Variants in ECT2L observed in about 807,000 individuals in gnomAD.
The protein encoded by ECT2L is epithelial cell transforming 2 like, also known as epithelial cell-transforming sequence 2 oncogene-like.
In ECT2L, 126 loss-of-function variants were observed where a neutral mutation model predicts 122.8. The ratio of observed to expected loss-of-function variants is 1.03; its 90% CI spans 0.89 to 1.19. ECT2L has a LOEUF of 1.19. Among genes scored for constraint, ECT2L ranks in the 50% most tolerant of loss-of-function variants. The pLI, the probability that ECT2L is intolerant of heterozygous loss-of-function variation, is 0.00. For missense variants in ECT2L, 1,012 were observed against 1,064.1 expected (o/e 0.95, Z 0.68); for synonymous variants, 385 against 381.8 (o/e 1.01, Z -0.10).
chr6:138,865,280 G>A lies in ECT2L; in HGVS notation c.1474+102G>A. On this transcript the variant is annotated intron_variant, in intron 12 of 21. Coordinates refer to ENST00000541398, the MANE Select transcript of ECT2L (RefSeq NM_001077706.3). ...ATGGCGCAAGTAAAATTTTACTCTT[G>A]AACATCTCCAGTAAAATTTTATCTC... The A allele has an allele frequency of 4.3e-6, 5 of 1,159,526 alleles. 1 individual carries two copies. The South Asian group carries it at 1.0e-4, about 23-fold the overall frequency. 71.8% of individuals were successfully genotyped at this position (1,159,526 alleles called of 1,614,324 possible).
rs189109116 is a variant in ECT2L at position 138,825,043 on chromosome 6, A to G, written c.179+10440A>G. ...CGGCCTGGCCAGCCTGACATAACAAAGAAGTAGCTATGACTGTGAGAAGTG... is the reference window on the plus strand; with the variant it reads ...CGGCCTGGCCAGCCTGACATAACAAGGAAGTAGCTATGACTGTGAGAAGTG... On this transcript the variant is annotated intron_variant, in intron 4 of 21. Transcript: ENST00000541398. Among the ~76,000 whole-genome samples the G allele has an allele frequency of 7.2e-5, 11 of 152,280 alleles. No homozygotes were observed. In the East Asian group the frequency reaches 1.7e-3, roughly 24 times the overall value.
chr6:138,869,478 G>A (rs765878542), intron 13 of ECT2L, among the ~76,000 whole-genome samples: 2 of 152,014 alleles, frequency 1.3e-5, no homozygotes, highest in Admixed American at 6.5e-5. Flanking sequence ...TGGGGGCTGC[G>A]AAGCTGCATT....
intron 9 of ECT2L, among the ~76,000 whole-genome samples, chr6:138,849,725 C>T (rs1251413402): frequency 2.0e-5 from 3 of 151,938 alleles, no homozygotes; most frequent in South Asian, 2.1e-4. Flanking sequence ...TGTGCCGCCA[C>T]GCCCAGCTAA....
chr6:138,873,599 G>A (rs2128403505), intron 13 of ECT2L, among the ~76,000 whole-genome samples: 1 of 152,248 alleles, frequency 6.6e-6, no homozygotes, highest in South Asian at 2.1e-4. Flanking sequence ...TTTGAGACCA[G>A]TCTGGCCAAC....
intron 13 of ECT2L, among the ~76,000 whole-genome samples, chr6:138,874,471 C>A (rs1208617032): frequency 6.6e-6 from 1 of 152,056 alleles, no homozygotes; most frequent in African/African-American, 2.4e-5. Flanking sequence ...AATTACTATG[C>A]CAAATCAATG....
chr6:138,847,514 G>A (rs1351149776), intron 8 of ECT2L, among the ~76,000 whole-genome samples: 1 of 149,182 alleles, frequency 6.7e-6, no homozygotes, highest in Non-Finnish European at 1.5e-5. Flanking sequence ...GGGACTACAG[G>A]CGCCCGCCAC....
At chr6:138,892,438 G>A (rs1779061771) in intron 20 of ECT2L, among the ~76,000 whole-genome samples, 1 of 152,008 alleles carries the variant, frequency 6.6e-6, no homozygotes, top group South Asian at 2.1e-4. Context: ...CTATATCTGA[G>A]CCTAGTTTTG....
intron 20 of ECT2L, among the ~76,000 whole-genome samples, chr6:138,892,579 T>C (rs1779066688): frequency 6.6e-6 from 1 of 152,138 alleles, no homozygotes; most frequent in African/African-American, 2.4e-5. Context: ...CTGCAGCCTC[T>C]GCCTCCTGGG....
intron 4 of ECT2L, among the ~76,000 whole-genome samples, chr6:138,832,293 T>G (rs1259925146): frequency 1.3e-5 from 2 of 152,186 alleles, no homozygotes; most frequent in Non-Finnish European, 2.9e-5. Context: ...GATTCTTTCA[T>G]TACCTTCAGT....
intron 4 of ECT2L, among the ~76,000 whole-genome samples, chr6:138,816,651 C>CT (rs556342093): frequency 2.0e-5 from 3 of 152,022 alleles, no homozygotes; most frequent in African/African-American, 7.2e-5. Context: ...CGCCCAGCTA[C>CT]TTTTTTTGTA....
At position 138,819,249 on chromosome 6, in the gene ECT2L, AAAGG is replaced by A. The variant is rs77644959; in HGVS notation, c.179+4649_179+4652del. ...ATGATGCTTAAAAAAAAAAAAAAAA[AAAGG>A]AAATCATTGCGTTTTAAAAGGAAGG... is the stretch of plus-strand genomic sequence containing the variant. On this transcript the variant is annotated intron_variant, in intron 4 of 21. Transcript: ENST00000541398. Among the ~76,000 whole-genome samples the A allele has an allele frequency of 8.4e-3, 1,043 of 124,754 alleles. 13 individuals carry two copies. The highest frequency in any genetic ancestry group is 0.022 in the African/African-American group (724 of 32,410). The allele number at this position is 124,754 out of a possible 152,430, so 81.8% of individuals were successfully genotyped here.
intron 14 of ECT2L, among the ~76,000 whole-genome samples, chr6:138,878,272 A>C (rs1778523907): frequency 6.6e-6 from 1 of 151,592 alleles, no homozygotes; most frequent in Admixed American, 6.6e-5. Flanking sequence ...CTCCAATTGA[A>C]CAAGGTATGC....
rs918686607 is a variant in ECT2L at position 138,814,512 on chromosome 6, C to T, written c.88C>T (p.Leu30Phe). The stretch of plus-strand genomic sequence containing the variant: ...ATAGCTCTTTCAGGAAAGAGTGGCT[C>T]TTATAAGTCATTGGTTTGACCTCTG... ...NRQLFQERVALISHWFDLWTN... is the reference protein window; with the variant it reads ...NRQLFQERVAFISHWFDLWTN... The change falls in exon 4 of 22, where the codon CTT becomes TTT. Residue 30 changes from leucine to phenylalanine, a missense_variant. Physicochemically the swap from Leu to Phe is conservative, Grantham distance 22. Coordinates refer to ENST00000541398, the MANE Select transcript of ECT2L (RefSeq NM_001077706.3). The T allele has an allele frequency of 1.9e-6, 3 of 1,610,948 alleles. No individual in the cohort carries two copies. The highest frequency in any genetic ancestry group is 2.5e-6 in the Non-Finnish European group (3 of 1,177,918).
At chr6:138,813,026 T>C (rs933462976) in intron 2 of ECT2L, 49 bp downstream of exon 2, 3 of 354,338 alleles carry the variant, frequency 8.5e-6, no homozygotes, top group Non-Finnish European at 1.5e-5. Context: ...GATTTTTGTG[T>C]ATATTTGTAT....
At chr6:138,888,411 GGTT>G (rs1778903810) in intron 19 of ECT2L, among the ~76,000 whole-genome samples, 1 of 150,940 alleles carries the variant, frequency 6.6e-6, no homozygotes, top group African/African-American at 2.4e-5. Flanking sequence ...CTGCCTCCAG[GGTT>G]CAAGCAATTC....
Position 138,890,190 on chromosome 6 carries a change from CTTCCT to C in ECT2L, c.2414+1163_2414+1167del, listed in dbSNP as rs368760606. On this transcript the variant is annotated intron_variant, in intron 20 of 21. Coordinates refer to ENST00000541398, the MANE Select transcript of ECT2L (RefSeq NM_001077706.3). ...AAATAAAATTCTATTCTCAAACATT[CTTCCT>C]TTCTTTACATAAGTTTGATTTTCAG... Among the ~76,000 whole-genome samples, 102 of 152,212 alleles carry C rather than the reference CTTCCT, an allele frequency of 6.7e-4. 1 individual carries two copies. The South Asian group carries it at 0.01, about 15-fold the overall frequency.
Position 138,885,550 on chromosome 6 carries a change from T to A in ECT2L, c.2073T>A (p.His691Gln), listed in dbSNP as rs201714630. 20 of 1,614,044 alleles carry A rather than the reference T, an allele frequency of 1.2e-5. 1 individual carries two copies. Among genetic ancestry groups the A allele is most frequent in the South Asian group, 3.3e-5 (3 of 91,086 alleles). ...IPAFRTFLKR[H>Q]DKTIVTKMLS... Reference sequence around the variant, plus strand: ...CATTCCGAACTTTCCTGAAGAGGCATGATAAGACCATTGTTACCAAAATGC... The same window carrying A: ...CATTCCGAACTTTCCTGAAGAGGCAAGATAAGACCATTGTTACCAAAATGC... Residue 691 changes from histidine to glutamine, a missense_variant, in exon 17 of 22, where the codon CAT becomes CAA. Coordinates refer to ENST00000541398, the MANE Select transcript of ECT2L (RefSeq NM_001077706.3).
chr6:138,850,877 T>A (rs1761336123), intron 9 of ECT2L, among the ~76,000 whole-genome samples: 1 of 151,708 alleles, frequency 6.6e-6, no homozygotes, highest in African/African-American at 2.4e-5. Context: ...AGTACATGCC[T>A]GAAATCCCAG....
chr6:138,880,111 T>C (rs1778593355), intron 14 of ECT2L, among the ~76,000 whole-genome samples: 2 of 152,178 alleles, frequency 1.3e-5, no homozygotes, highest in South Asian at 4.1e-4. Context: ...AAGAAGAGCA[T>C]ATGCTTCAGA....
Sources: allele counts gnomAD v4.1 joint callset (sites outside exome capture counted in the v4.1 genomes callset), GRCh38; gene constraint gnomAD v4.1.1; transcripts MANE v1.5; gene names NCBI Gene and HGNC (gene_info 2026-07-23, HGNC 2026-07-21).